CFAP20DC: variants seen among roughly 807,000 people sequenced by gnomAD.
CFAP20DC encodes the protein protein CFAP20DC.
A neutral mutation model predicts 101.7 loss-of-function variants in CFAP20DC; 84 were observed. That is an observed-to-expected ratio of 0.83 (90% confidence interval 0.69 to 0.99). CFAP20DC has a LOEUF of 0.99. Ranked by LOEUF, CFAP20DC falls within the 50% of genes least tolerant of loss-of-function variation. CFAP20DC has a pLI of 0.00. For synonymous variants in CFAP20DC, 359 were observed against 351.2 expected (o/e 1.02, Z -0.25); for missense variants, 1,007 against 970.3 (o/e 1.04, Z -0.50).
Position 58,728,586 on chromosome 3 carries a change from C to A in CFAP20DC, c.198-10958G>T, listed in dbSNP as rs2067589608. On this transcript the variant is annotated intron_variant, in intron 3 of 3. Coordinates refer to the CFAP20DC transcript ENST00000486145. This position sits in a 1 kb window ranked among gnomAD's most constrained non-coding sequence, Gnocchi z 4.7. ...GGTCAGTTGATTATTCTGTGCTGAG[C>A]TAGCACAGAATTAAGTCAGTAACTT... 6.6e-6 allele frequency among the ~76,000 whole-genome samples: 1 copy of A among 152,106 alleles called. No homozygotes were observed. Among genetic ancestry groups the A allele is most frequent in the Admixed American group, 6.5e-5 (1 of 15,270 alleles).
At chr3:58,857,931 G>A (rs887226658) in intron 12 of CFAP20DC, among the ~76,000 whole-genome samples, 1 of 152,060 alleles carries the variant, frequency 6.6e-6, no homozygotes, top group African/African-American at 2.4e-5. Context: ...TAATTCATTT[G>A]GGCTCAACAT....
chr3:58,765,840 T>C (rs1276219420), intron 15 of CFAP20DC, among the ~76,000 whole-genome samples: 1 of 152,200 alleles, frequency 6.6e-6, no homozygotes, highest in Non-Finnish European at 1.5e-5. Flanking sequence ...ATTTTAAAAA[T>C]CTTTTATGGC....
chr3:58,839,030 G>A (rs2076925289), intron 13 of CFAP20DC, among the ~76,000 whole-genome samples: 1 of 152,210 alleles, frequency 6.6e-6, no homozygotes, highest in Admixed American at 6.5e-5. Context: ...GAAAATAGAG[G>A]AGGTAAGCCA....
intron 6 of CFAP20DC, among the ~76,000 whole-genome samples, chr3:58,896,652 C>T (rs180923749): frequency 3.0e-4 from 46 of 152,260 alleles, no homozygotes; most frequent in Non-Finnish European, 2.9e-4. Context: ...CTAAGAGTAA[C>T]TCAGGATCCG....
At chr3:59,034,322 C>G (rs2094053666) in intron 4 of CFAP20DC, among the ~76,000 whole-genome samples, 1 of 152,194 alleles carries the variant, frequency 6.6e-6, no homozygotes, top group African/African-American at 2.4e-5. Flanking sequence ...ATCATAATGA[C>G]AGGATCAAAT....
chr3:58,804,073 T>C (rs1388659925), intron 15 of CFAP20DC, among the ~76,000 whole-genome samples: 1 of 152,202 alleles, frequency 6.6e-6, no homozygotes. Context: ...GATCCTTCAA[T>C]GGCGAGACTG....
In CFAP20DC at chr3:58,920,253, G is replaced by C. The variant is rs149224727; in HGVS notation, c.394-6389C>G. Among the ~76,000 whole-genome samples, 9 of 151,748 alleles carry C rather than the reference G, an allele frequency of 5.9e-5. No individual in the cohort carries two copies. In the East Asian group the frequency reaches 1.7e-3, roughly 29 times the overall value. On this transcript the variant is annotated intron_variant, in intron 5 of 16. Transcript: ENST00000482387. ...CCACAGCCATAAGCCAACATGTCTG[G>C]CTAATTTTAAAAAATTATTTGTAGA...
At chr3:58,973,863 C>A (rs995784376) in intron 4 of CFAP20DC, among the ~76,000 whole-genome samples, 22 of 152,082 alleles carry the variant, frequency 1.4e-4, no homozygotes, top group African/African-American at 5.1e-4. Context: ...TAGAAAGGGT[C>A]ATCAGTAGGA....
chr3:58,764,160 T>G (rs2070011977), intron 15 of CFAP20DC, among the ~76,000 whole-genome samples: 1 of 152,194 alleles, frequency 6.6e-6, no homozygotes, highest in Non-Finnish European at 1.5e-5. Flanking sequence ...CAGGCAGGCC[T>G]CCGTGAGCTG....
intron 3 of CFAP20DC, among the ~76,000 whole-genome samples, chr3:58,718,061 T>C (rs894013243): frequency 6.6e-6 from 1 of 152,200 alleles, no homozygotes; most frequent in African/African-American, 2.4e-5. Context: ...CCACTACTTA[T>C]TGGAGGCCAA....
chr3:58,734,275 A>T (rs2067703509), intron 3 of CFAP20DC, among the ~76,000 whole-genome samples: 1 of 152,210 alleles, frequency 6.6e-6, no homozygotes, highest in African/African-American at 2.4e-5. Flanking sequence ...TCTTTTATTC[A>T]TGAATTACCA....
In CFAP20DC at chr3:58,788,632, A is replaced by C. The variant is rs1317086621; in HGVS notation, c.2237+17763T>G. On this transcript the variant is annotated intron_variant, in intron 15 of 16. Coordinates refer to ENST00000482387, the MANE Select transcript of CFAP20DC (RefSeq NM_001394063.1). This position sits in a 1 kb window ranked among gnomAD's most constrained non-coding sequence, Gnocchi z 4.2. ...GACTACCACCACCACAGTGGAAAAC[A>C]CTTTGACAATCCAATGTGGAACTGT... is the stretch of plus-strand genomic sequence containing the variant. 6.6e-6 allele frequency among the ~76,000 whole-genome samples: 1 copy of C among 151,938 alleles called. No individual in the cohort carries two copies. The highest frequency in any genetic ancestry group is 2.4e-5 in the African/African-American group (1 of 41,384).
intron 16 of CFAP20DC, 122 bp downstream of exon 16, chr3:58,753,647 G>C (rs2068723338): frequency 2.8e-6 from 2 of 705,104 alleles, no homozygotes; most frequent in East Asian, 2.8e-5. Flanking sequence ...ACCTCATTTA[G>C]GGTGTGTAAG....
rs532618217 is a variant in CFAP20DC at position 59,016,879 on chromosome 3, A to G, written c.278+22678T>C. Among the ~76,000 whole-genome samples, 6 of 152,212 alleles carry G rather than the reference A, an allele frequency of 3.9e-5. No individual in the cohort carries two copies. The South Asian group carries it at 8.3e-4, about 21-fold the overall frequency. On this transcript the variant is annotated intron_variant, in intron 4 of 16. Coordinates refer to ENST00000482387, the MANE Select transcript of CFAP20DC (RefSeq NM_001394063.1). ...ACATCCTGGAAGTGCTTATAATCCA[A>G]TTCTTAAGATCTTATTAGTTAGCAT...
intron 13 of CFAP20DC, among the ~76,000 whole-genome samples, chr3:58,845,717 G>C (rs1264738459): frequency 1.3e-5 from 2 of 151,106 alleles, no homozygotes; most frequent in Non-Finnish European, 3.0e-5. Flanking sequence ...CCAAAAAAGA[G>C]AATTTTAGAC....
At chr3:58,985,905 G>C (rs1317403163) in intron 4 of CFAP20DC, among the ~76,000 whole-genome samples, 1 of 152,204 alleles carries the variant, frequency 6.6e-6, no homozygotes, top group Non-Finnish European at 1.5e-5. Flanking sequence ...GTCTGGAACA[G>C]TCTCTGGAAT....
intron 6 of CFAP20DC, among the ~76,000 whole-genome samples, chr3:58,889,523 C>CT (rs953083506): frequency 6.9e-5 from 10 of 144,402 alleles, no homozygotes; most frequent in East Asian, 2.0e-4. Context: ...ATTCGCCAAT[C>CT]TTTTTTTTTT....
chr3:58,718,293 G>A (rs2067424126), intron 3 of CFAP20DC, among the ~76,000 whole-genome samples: 1 of 152,190 alleles, frequency 6.6e-6, no homozygotes. Context: ...TTCAGTTTAA[G>A]TATCCAGTTT....
At chr3:58,839,248 C>T (rs1435508660) in intron 13 of CFAP20DC, among the ~76,000 whole-genome samples, 1 of 152,196 alleles carries the variant, frequency 6.6e-6, no homozygotes, top group Admixed American at 6.5e-5. Flanking sequence ...GGGGTAGCAG[C>T]CCATTGTGGT....
Sources: allele counts gnomAD v4.1 joint callset (sites outside exome capture counted in the v4.1 genomes callset), GRCh38; gene constraint gnomAD v4.1.1; non-coding constraint Gnocchi (gnomAD v3.1); transcripts MANE v1.5; gene names NCBI Gene and HGNC (gene_info 2026-07-23, HGNC 2026-07-21).